The following ITFG1 variants were observed in gnomAD, a reference collection of about 807,000 sequenced individuals.
ITFG1 encodes integrin alpha FG-GAP repeat containing 1, also known as T-cell immunomodulatory protein.
In ITFG1, 34 loss-of-function variants were observed where a neutral mutation model predicts 81.8. That is an observed-to-expected ratio of 0.42 (90% CI 0.32 to 0.55). The LOEUF (loss-of-function observed/expected upper bound fraction) is 0.55, where lower values mean the gene tolerates loss of function less well. Among genes scored for constraint, ITFG1 ranks in the 20% least tolerant of loss-of-function variants. ITFG1 has a pLI of 0.17. For synonymous variants in ITFG1, 285 were observed against 270.6 expected (o/e 1.05, Z -0.52); for missense variants, 672 against 755.4 (o/e 0.89, Z 1.29).
chr16:47,396,866 G>A (rs970593741), intron 6 of ITFG1, among the ~76,000 whole-genome samples: 2 of 152,116 alleles, frequency 1.3e-5, no homozygotes, highest in African/African-American at 4.8e-5. Context: ...TACCTACAAG[G>A]TGCAGGGAAC....
chr16:47,386,538 T>G (rs566499436), intron 6 of ITFG1, among the ~76,000 whole-genome samples: 80 of 152,308 alleles, frequency 5.3e-4, no homozygotes, highest in African/African-American at 1.9e-3. Flanking sequence ...CAGCCCCTAC[T>G]CACAAAGGTG....
chr16:47,216,450 C>T (rs1043551471), intron 14 of ITFG1, among the ~76,000 whole-genome samples: 5 of 152,134 alleles, frequency 3.3e-5, no homozygotes, highest in Admixed American at 6.5e-5. Context: ...ATCCGCCCAC[C>T]TTGGCCTCCG....
At chr16:47,279,807 T>C (rs1966434174) in intron 10 of ITFG1, among the ~76,000 whole-genome samples, 1 of 152,168 alleles carries the variant, frequency 6.6e-6, no homozygotes, top group African/African-American at 2.4e-5. Flanking sequence ...TTCATCAGCA[T>C]TTTGGAGTTA....
intron 10 of ITFG1, among the ~76,000 whole-genome samples, chr16:47,275,240 A>G (rs1966385250): frequency 6.6e-6 from 1 of 152,120 alleles, no homozygotes; most frequent in Non-Finnish European, 1.5e-5. Context: ...GACCTGGAAT[A>G]ATATATTTTC....
At chr16:47,257,876 G>C (rs1478554743) in intron 12 of ITFG1, among the ~76,000 whole-genome samples, 4 of 152,192 alleles carry the variant, frequency 2.6e-5, no homozygotes, top group Non-Finnish European at 5.9e-5. Context: ...TTGGAGAAAT[G>C]TCTGATTCCA....
intron 12 of ITFG1, among the ~76,000 whole-genome samples, chr16:47,238,505 T>C (rs1965899513): frequency 6.6e-6 from 1 of 152,116 alleles, no homozygotes; most frequent in Admixed American, 6.5e-5. Flanking sequence ...AAATAATTGA[T>C]GAGTCTACAA....
chr16:47,417,121 C>A (rs1487430470), intron 6 of ITFG1, among the ~76,000 whole-genome samples: 1 of 152,154 alleles, frequency 6.6e-6, no homozygotes, highest in African/African-American at 2.4e-5. Flanking sequence ...GTATCTCATA[C>A]AATGAATAGC....
chr16:47,440,034 T>C (rs1969225185), intron 5 of ITFG1, among the ~76,000 whole-genome samples: 1 of 151,994 alleles, frequency 6.6e-6, no homozygotes, highest in Non-Finnish European at 1.5e-5. Context: ...GGGGTTGCAA[T>C]CCTAGTCTCT....
intron 6 of ITFG1, among the ~76,000 whole-genome samples, chr16:47,409,374 CTATATATATA>C (rs1187875461): frequency 9.5e-4 from 20 of 20,984 alleles, no homozygotes; most frequent in South Asian, 2.8e-3. Flanking sequence ...TACACACACA[CTATATATATA>C]TATATATATA....
chr16:47,303,613 G>A (rs1967111694), intron 10 of ITFG1, among the ~76,000 whole-genome samples: 1 of 152,038 alleles, frequency 6.6e-6, no homozygotes, highest in African/African-American at 2.4e-5. Context: ...TTTAGTGTTA[G>A]CCATTTTCTT....
chr16:47,409,300 C>T (rs149514993), intron 6 of ITFG1, among the ~76,000 whole-genome samples: 21 of 125,046 alleles, frequency 1.7e-4, no homozygotes, highest in African/African-American at 3.3e-4. Context: ...AAGATATAAC[C>T]GAAATACCAA....
intron 6 of ITFG1, among the ~76,000 whole-genome samples, chr16:47,386,364 G>T (rs986754579): frequency 6.6e-6 from 1 of 152,292 alleles, no homozygotes; most frequent in African/African-American, 2.4e-5. Flanking sequence ...TCAGGAAGCT[G>T]CAGCCAAAAA....
chr16:47,329,102 A>C (rs1221177629), intron 8 of ITFG1, among the ~76,000 whole-genome samples: 1 of 152,188 alleles, frequency 6.6e-6, no homozygotes, highest in East Asian at 1.9e-4. Context: ...CCATAAAATG[A>C]TGGTAAAGTA....
intron 8 of ITFG1, among the ~76,000 whole-genome samples, chr16:47,353,724 T>C (rs1967999191): frequency 6.6e-6 from 1 of 151,788 alleles, no homozygotes; most frequent in Admixed American, 6.6e-5. Flanking sequence ...CATGCAAAAA[T>C]CAGTAGCATT....
chr16:47,334,593 A>G (rs1017547010), intron 8 of ITFG1, among the ~76,000 whole-genome samples: 1 of 152,172 alleles, frequency 6.6e-6, no homozygotes, highest in African/African-American at 2.4e-5. Context: ...CGTCAAGGCA[A>G]ATTACACAGT....
At chr16:47,347,563 G>C (rs768384273) in intron 8 of ITFG1, among the ~76,000 whole-genome samples, 3 of 152,022 alleles carry the variant, frequency 2.0e-5, no homozygotes, top group Non-Finnish European at 4.4e-5. Flanking sequence ...GAAATGGGTG[G>C]AGCCCACCAC....
At chr16:47,396,720 C>T (rs1968598989) in intron 6 of ITFG1, among the ~76,000 whole-genome samples, 1 of 152,114 alleles carries the variant, frequency 6.6e-6, no homozygotes, top group Admixed American at 6.6e-5. Flanking sequence ...GTAGCAGGAT[C>T]AGTGGACTGC....
chr16:47,278,004 TA>T (rs1429108698), intron 10 of ITFG1, among the ~76,000 whole-genome samples: 1 of 152,160 alleles, frequency 6.6e-6, no homozygotes, highest in Non-Finnish European at 1.5e-5. Context: ...ATATAAAATA[TA>T]AGGCAGAATA....
intron 6 of ITFG1, among the ~76,000 whole-genome samples, chr16:47,388,258 G>A (rs1409130872): frequency 6.6e-6 from 1 of 152,152 alleles, no homozygotes; most frequent in Non-Finnish European, 1.5e-5. Flanking sequence ...AGAAGTGAGA[G>A]AGAGAGAAGA....
Sources: allele counts gnomAD v4.1 joint callset (sites outside exome capture counted in the v4.1 genomes callset), GRCh38; gene constraint gnomAD v4.1.1; transcripts MANE v1.5; gene names NCBI Gene and HGNC (gene_info 2026-07-23, HGNC 2026-07-21).